Variants in PLOD2 observed in about 807,000 individuals in gnomAD.
PLOD2 encodes lysine hydroxylase 2.
In PLOD2, 65 loss-of-function variants were observed where a neutral mutation model predicts 101.0. The ratio of observed to expected loss-of-function variants is 0.64; its 90% confidence interval spans 0.53 to 0.79. The LOEUF (loss-of-function observed/expected upper bound fraction) is 0.79. PLOD2 is among the 30% of genes least tolerant of loss of function. The pLI, the probability that PLOD2 is intolerant of heterozygous loss-of-function variation, is 0.00. For synonymous variants in PLOD2, 314 were observed against 302.9 expected, an observed-to-expected ratio of 1.04 and a Z score of -0.38; for missense variants, 909 against 914.6, an observed-to-expected ratio of 0.99 and a Z score of 0.08.
chr3:146,102,107 G>A (rs1937407815), intron 7 of PLOD2, among the ~76,000 whole-genome samples: 1 of 152,100 alleles, frequency 6.6e-6, no homozygotes, highest in South Asian at 2.1e-4. Flanking sequence ...CTTAAACCAG[G>A]CATTTCAGCA....
intron 10 of PLOD2, 75 bp from the exon 11 acceptor site, chr3:146,085,348 T>C (rs755591596): frequency 1.3e-6 from 1 of 768,040 alleles, no homozygotes. Context: ...TTAATATATA[T>C]ATTCTTTTAT....
chr3:146,104,480 A>C (rs2108057777), intron 5 of PLOD2, 138 bp from the exon 6 acceptor site: 1 of 617,944 alleles, frequency 1.6e-6, no homozygotes, highest in African/African-American at 1.8e-5. Context: ...CAAAATATTT[A>C]GATGACTAAA....
chr3:146,086,996 G>C (rs903807447), intron 9 of PLOD2, 88 bp from the exon 10 acceptor site: 2 of 690,094 alleles, frequency 2.9e-6, no homozygotes, highest in Non-Finnish European at 4.7e-6. Flanking sequence ...CACATTCAAG[G>C]TCATGAATTC....
At chr3:146,136,372 G>C (rs936621899) in intron 1 of PLOD2, among the ~76,000 whole-genome samples, 3 of 152,154 alleles carry the variant, frequency 2.0e-5, no homozygotes, top group African/African-American at 4.8e-5. Context: ...AAGACCACAA[G>C]TGTAAAATTC....
chr3:146,077,160 T>C (rs1031941394), intron 14 of PLOD2: 2 of 1,080,116 alleles, frequency 1.9e-6, no homozygotes, highest in African/African-American at 3.3e-5. Context: ...CCTTTCTCAT[T>C]GATCCTAGAT....
At chr3:146,138,082 C>A (rs2108120221) in intron 1 of PLOD2, among the ~76,000 whole-genome samples, 2 of 152,176 alleles carry the variant, frequency 1.3e-5, no homozygotes, top group East Asian at 3.9e-4. Flanking sequence ...TAAGAGTGGA[C>A]AGCTGGAAGC....
intron 3 of PLOD2, among the ~76,000 whole-genome samples, chr3:146,115,105 A>G (rs1192903076): frequency 6.6e-6 from 1 of 152,098 alleles, no homozygotes; most frequent in South Asian, 2.1e-4. Flanking sequence ...CCAGCTTTAA[A>G]ATTTCTCTCT....
At chr3:146,082,753 G>C (rs1220899286) in intron 11 of PLOD2, among the ~76,000 whole-genome samples, 1 of 152,088 alleles carries the variant, frequency 6.6e-6, no homozygotes, top group Non-Finnish European at 1.5e-5. Flanking sequence ...AAGTTAGCCA[G>C]GCATGGTGGC....
chr3:146,121,395 AT>A lies in PLOD2; in HGVS notation c.202-148del. ...TGGAATCATGATTCTAGAAAAAAAA[AT>A]CTAGATGCCTAAATCAGATCATAAT... On this transcript the variant is annotated intron_variant, in intron 2 of 19. Coordinates refer to ENST00000282903, the MANE Select transcript of PLOD2 (RefSeq NM_182943.3). The A allele has an allele frequency of 4.2e-6, 3 of 715,838 alleles. No homozygotes were observed. The South Asian group carries it at 4.7e-5, about 11-fold the overall frequency. 44.3% of individuals were successfully genotyped at this position (715,838 alleles called of 1,614,324 possible).
intron 15 of PLOD2, among the ~76,000 whole-genome samples, chr3:146,074,033 T>TC (rs1225702121): frequency 8.6e-4 from 131 of 151,642 alleles, no homozygotes; most frequent in African/African-American, 3.0e-3. Flanking sequence ...AATTAAGGGT[T>TC]AGGGCTCTAT....
At chr3:146,139,907 C>T (rs2031439793) in intron 1 of PLOD2, among the ~76,000 whole-genome samples, 1 of 152,056 alleles carries the variant, frequency 6.6e-6, no homozygotes, top group African/African-American at 2.4e-5. Flanking sequence ...TCTTTCCTCA[C>T]CTCGTATACA....
chr3:146,158,953 C>T (rs569175646), intron 1 of PLOD2, among the ~76,000 whole-genome samples: 14 of 152,222 alleles, frequency 9.2e-5, no homozygotes, highest in African/African-American at 3.1e-4. Flanking sequence ...TTTATGTCAA[C>T]GAATAAGCTT....
At chr3:146,072,226 CA>C (rs932823824) in intron 17 of PLOD2, among the ~76,000 whole-genome samples, 19 of 151,348 alleles carry the variant, frequency 1.3e-4, no homozygotes, top group African/African-American at 4.6e-4. Flanking sequence ...TGTGAAAACG[CA>C]AGGAATAAAA....
chr3:146,136,600 A>G (rs2031245576), intron 1 of PLOD2, among the ~76,000 whole-genome samples: 1 of 152,228 alleles, frequency 6.6e-6, no homozygotes, highest in Non-Finnish European at 1.5e-5. Flanking sequence ...AGCCACATAT[A>G]CAACACTGGT....
At chr3:146,087,415 T>C (rs1936818383) in intron 9 of PLOD2, among the ~76,000 whole-genome samples, 1 of 151,748 alleles carries the variant, frequency 6.6e-6, no homozygotes, top group South Asian at 2.1e-4. Context: ...TGGTCATATA[T>C]AAAAAAATTT....
At chr3:146,071,506 A>T in intron 17 of PLOD2, 83 bp from the exon 18 acceptor site, 2 of 1,243,788 alleles carry the variant, frequency 1.6e-6, no homozygotes, top group South Asian at 1.2e-5. Context: ...TCAACCACAG[A>T]TCATAATAGA....
chr3:146,160,662 C>G (rs2032529329), intron 1 of PLOD2: 2 of 550,116 alleles, frequency 3.6e-6, no homozygotes. Flanking sequence ...CTGAGTTCAC[C>G]GAGAACTCCA....
intron 15 of PLOD2, among the ~76,000 whole-genome samples, chr3:146,075,767 T>C (rs1936310752): frequency 6.6e-6 from 1 of 151,660 alleles, no homozygotes; most frequent in African/African-American, 2.4e-5. Flanking sequence ...TGCTTTTGAA[T>C]ACACAAAACA....
At position 146,111,617 on chromosome 3, in the gene PLOD2, T is replaced by A. The variant is rs1409041994; in HGVS notation, c.339-1169A>T. 2.0e-5 allele frequency among the ~76,000 whole-genome samples: 3 copies of A among 152,178 alleles called. No individual in the cohort carries two copies. The East Asian group carries it at 5.8e-4, about 29-fold the overall frequency. On this transcript the variant is annotated intron_variant, in intron 3 of 19. Coordinates refer to ENST00000282903, the MANE Select transcript of PLOD2 (RefSeq NM_182943.3). ...ACTTCAAAGTTTTTACAAATGTGTA[T>A]GTTAAAAAATTTTATTTTTAGCCAA...
Sources: gnomAD v4.1 joint callset for allele counts (sites outside exome capture counted in the v4.1 genomes callset) on GRCh38, gnomAD v4.1.1 for gene constraint, MANE v1.5 for transcripts, NCBI Gene and HGNC (gene_info 2026-07-23, HGNC 2026-07-21) for gene names.